Variants in ANO2 observed in about 807,000 individuals in gnomAD.
ANO2 encodes the protein anoctamin-2.
A neutral mutation model predicts 124.2 loss-of-function variants in ANO2; 101 were observed. That is an observed-to-expected ratio of 0.81 (90% CI 0.69 to 0.96). The LOEUF is 0.96. ANO2 is among the 40% of genes least tolerant of loss of function. ANO2 has a pLI of 0.00. For synonymous variants in ANO2, 486 were observed against 482.5 expected (o/e 1.01, Z -0.09); for missense variants, 1,293 against 1,274.5 (o/e 1.01, Z -0.22).
intron 16 of ANO2, among the ~76,000 whole-genome samples, chr12:5,633,810 C>T (rs1314144873): frequency 1.3e-5 from 2 of 152,162 alleles, no homozygotes; most frequent in Non-Finnish European, 2.9e-5. Context: ...TGCCACTTTC[C>T]TGCATGCCTT....
chr12:5,604,221 T>C (rs909405003), intron 19 of ANO2, among the ~76,000 whole-genome samples: 1 of 152,088 alleles, frequency 6.6e-6, no homozygotes, highest in Non-Finnish European at 1.5e-5. Flanking sequence ...GGCATGTGTG[T>C]GGTTGGTGGT....
chr12:5,792,861 C>T (rs986790526), intron 10 of ANO2, among the ~76,000 whole-genome samples: 1 of 152,152 alleles, frequency 6.6e-6, no homozygotes, highest in Non-Finnish European at 1.5e-5. Context: ...ACATCATCTC[C>T]GTATCCCCAG....
intron 7 of ANO2, among the ~76,000 whole-genome samples, chr12:5,809,139 A>G (rs1347248261): frequency 6.6e-6 from 1 of 152,182 alleles, no homozygotes; most frequent in Non-Finnish European, 1.5e-5. Flanking sequence ...GAGGGAGTGC[A>G]GATGGGGGAA....
At chr12:5,565,029 C>T (rs151120892) in intron 24 of ANO2, among the ~76,000 whole-genome samples, 225 of 152,162 alleles carry the variant, frequency 1.5e-3, no homozygotes, top group African/African-American at 5.1e-3. Context: ...GGCTATTGTC[C>T]CAGATAGGAA....
At chr12:5,576,905 T>G (rs902902106) in intron 22 of ANO2, among the ~76,000 whole-genome samples, 2 of 152,242 alleles carry the variant, frequency 1.3e-5, no homozygotes, top group African/African-American at 4.8e-5. Flanking sequence ...TGGGCACTTG[T>G]TATATGTCCT....
chr12:5,830,677 G>A (rs753729234), intron 5 of ANO2, among the ~76,000 whole-genome samples, 188 bp from the exon 6 acceptor site: 4 of 151,920 alleles, frequency 2.6e-5, no homozygotes, highest in Non-Finnish European at 4.4e-5. Context: ...ATTTATCTTA[G>A]GGAAGAAACT....
chr12:5,861,080 T>C (rs902259998), intron 3 of ANO2, among the ~76,000 whole-genome samples: 5 of 152,162 alleles, frequency 3.3e-5, no homozygotes, highest in African/African-American at 1.2e-4. Context: ...GATTTGGCCA[T>C]AGGACTCTAG....
chr12:5,584,857 A>G (rs57689973), intron 20 of ANO2, among the ~76,000 whole-genome samples: 8 of 152,322 alleles, frequency 5.3e-5, no homozygotes, highest in Admixed American at 4.6e-4. Flanking sequence ...AGAGTTCTCA[A>G]CGTCCATCAC....
chr12:5,858,409 G>A (rs1271267121), intron 3 of ANO2, among the ~76,000 whole-genome samples: 1 of 152,078 alleles, frequency 6.6e-6, no homozygotes, highest in African/African-American at 2.4e-5. Flanking sequence ...GATTAGAAAG[G>A]GAAAAAGACT....
chr12:5,612,116 T>C (rs1944572688), intron 19 of ANO2, among the ~76,000 whole-genome samples: 1 of 152,210 alleles, frequency 6.6e-6, no homozygotes, highest in East Asian at 1.9e-4. Context: ...TTTATTTTCA[T>C]GACTATCTAA....
rs5796188 is a variant in ANO2, at chr12:5,900,605, T to TA, written c.534+20434dup. ...AAAAAACTAAAGTGAACTCTCCCTT[T>TA]AAAAAAAAAACATGGGGGAGCATTT... On this transcript the variant is annotated intron_variant, in intron 3 of 24. Transcript: ENST00000682330. This position sits in a 1 kb window ranked among gnomAD's most constrained non-coding sequence, Gnocchi z 4.2. Among the ~76,000 whole-genome samples the TA allele has an allele frequency of 0.9, 134,306 of 149,394 alleles. 60,446 individuals carry two copies. Among genetic ancestry groups the TA allele is most frequent in the African/African-American group, 0.93 (37,926 of 40,774 alleles).
At chr12:5,665,710 C>G (rs1378258775) in intron 14 of ANO2, among the ~76,000 whole-genome samples, 1 of 141,584 alleles carries the variant, frequency 7.1e-6, no homozygotes, top group Non-Finnish European at 1.5e-5. Flanking sequence ...GGTCCCACCA[C>G]CCCCCACCCC....
chr12:5,589,034 TG>T (rs1943261708), intron 20 of ANO2, among the ~76,000 whole-genome samples: 1 of 152,160 alleles, frequency 6.6e-6, no homozygotes, highest in East Asian at 1.9e-4. Flanking sequence ...GCAGCAGATG[TG>T]AAGGGGCTTT....
At chr12:5,713,143 T>C (rs1396407181) in intron 14 of ANO2, among the ~76,000 whole-genome samples, 1 of 152,062 alleles carries the variant, frequency 6.6e-6, no homozygotes, top group Non-Finnish European at 1.5e-5. Context: ...CAAGTGGTGA[T>C]GAGGCCCTGA....
chr12:5,917,565 C>A (rs73047662), intron 3 of ANO2, among the ~76,000 whole-genome samples: 1 of 100,632 alleles, frequency 9.9e-6, no homozygotes, highest in Non-Finnish European at 2.3e-5. Context: ...TCTCTTTTTT[C>A]TTTTTTTTTT....
At chr12:5,656,483 T>G (rs1860952) in intron 14 of ANO2, among the ~76,000 whole-genome samples, 90,743 of 152,012 alleles carry the variant, frequency 0.6, 28,558 homozygotes, top group East Asian at 0.96. Context: ...TCAGCCCCAG[T>G]TGTCATGGGG....
intron 14 of ANO2, among the ~76,000 whole-genome samples, chr12:5,725,696 C>CTCTGT (rs1176948083): frequency 1.3e-5 from 2 of 152,160 alleles, no homozygotes; most frequent in East Asian, 3.9e-4. Flanking sequence ...GGCTCCTGGG[C>CTCTGT]TCTGGTAAGG....
At chr12:5,760,375 A>C (rs1951702330) in intron 10 of ANO2, among the ~76,000 whole-genome samples, 1 of 152,242 alleles carries the variant, frequency 6.6e-6, no homozygotes, top group African/African-American at 2.4e-5. Context: ...CACAAGAGGG[A>C]AATGAGAGCT....
chr12:5,697,111 T>C (rs533340578), intron 14 of ANO2, among the ~76,000 whole-genome samples: 25 of 152,088 alleles, frequency 1.6e-4, no homozygotes, highest in Non-Finnish European at 1.9e-4. Flanking sequence ...GGTCATACAG[T>C]AGAACTAGAA....
Sources: gnomAD v4.1 joint callset for allele counts (sites outside exome capture counted in the v4.1 genomes callset) on GRCh38, gnomAD v4.1.1 for gene constraint, Gnocchi (gnomAD v3.1) non-coding constraint, MANE v1.5 for transcripts, NCBI Gene and HGNC (gene_info 2026-07-23, HGNC 2026-07-21) for gene names.